Variants in IMPG1 observed in about 807,000 individuals in gnomAD.
IMPG1 encodes interphotoreceptor matrix proteoglycan 1.
In IMPG1, 85 loss-of-function variants were observed where a neutral mutation model predicts 92.0. The observed-to-expected ratio is 0.92, with a 90% CI of 0.78 to 1.11. The LOEUF is 1.11. Ranked by LOEUF, IMPG1 falls within the 50% of genes least tolerant of loss-of-function variation. IMPG1 has a pLI of 0.00. For missense variants in IMPG1, 1,022 were observed against 956.0 expected (o/e 1.07, Z -0.91); for synonymous variants, 367 against 334.1 (o/e 1.10, Z -1.08).
At chr6:75,998,919 C>T (rs550574039) in intron 12 of IMPG1, among the ~76,000 whole-genome samples, 3 of 152,030 alleles carry the variant, frequency 2.0e-5, no homozygotes, top group African/African-American at 7.3e-5. Flanking sequence ...TGTAGTGGAG[C>T]GATCTTGGCT....
rs1017472059 is a variant in IMPG1, at chr6:76,017,968, G to T, written c.807+750C>A. ...GGATTTTGCCATGTTGGCCAGGCTG[G>T]TATCGAATTCCTGATCCACCCGCCT... is the stretch of plus-strand genomic sequence containing the variant. On this transcript the variant is annotated intron_variant, in intron 7 of 16. Coordinates refer to ENST00000369950, the MANE Select transcript of IMPG1 (RefSeq NM_001563.4). 4.6e-5 allele frequency among the ~76,000 whole-genome samples: 7 copies of T among 152,024 alleles called. No individual in the cohort carries two copies. The East Asian group carries it at 1.4e-3, about 29-fold the overall frequency.
intron 1 of IMPG1, among the ~76,000 whole-genome samples, chr6:76,070,563 C>T (rs555904418): frequency 6.6e-6 from 1 of 152,036 alleles, no homozygotes; most frequent in African/African-American, 2.4e-5. Flanking sequence ...AGGGAATCAA[C>T]CCTAGTGAAC....
chr6:76,015,610 G>T (rs1003683849), intron 7 of IMPG1, among the ~76,000 whole-genome samples: 1 of 151,882 alleles, frequency 6.6e-6, no homozygotes, highest in Non-Finnish European at 1.5e-5. Flanking sequence ...AGACCAGCTT[G>T]ATCAACACGG....
chr6:76,059,335 G>C (rs1399133698), intron 1 of IMPG1, among the ~76,000 whole-genome samples: 1 of 151,958 alleles, frequency 6.6e-6, no homozygotes, highest in Non-Finnish European at 1.5e-5. Flanking sequence ...CTTAGAGTTT[G>C]GTCATGGGCA....
chr6:75,996,486 T>C (rs926686472), intron 12 of IMPG1, among the ~76,000 whole-genome samples: 2 of 152,172 alleles, frequency 1.3e-5, no homozygotes, highest in Non-Finnish European at 2.9e-5. Flanking sequence ...TAGAAACAGG[T>C]GATCTCTGTT....
At chr6:75,995,858 T>G (rs79166463) in intron 12 of IMPG1, among the ~76,000 whole-genome samples, 1 of 152,218 alleles carries the variant, frequency 6.6e-6, no homozygotes, top group Non-Finnish European at 1.5e-5. Context: ...TGAAATAAAC[T>G]CCTTGTAATT....
At chr6:76,043,394 A>C (rs188367108) in intron 1 of IMPG1, among the ~76,000 whole-genome samples, 1 of 152,198 alleles carries the variant, frequency 6.6e-6, no homozygotes, top group Non-Finnish European at 1.5e-5. Flanking sequence ...GCTGTAAAGC[A>C]TAAAAGTCCC....
intron 12 of IMPG1, among the ~76,000 whole-genome samples, chr6:75,958,451 G>C (rs1466582542): frequency 6.6e-6 from 1 of 152,264 alleles, no homozygotes; most frequent in Non-Finnish European, 1.5e-5. Flanking sequence ...GGTTGGTGAA[G>C]TTCTCCTGGA....
intron 12 of IMPG1, among the ~76,000 whole-genome samples, chr6:75,989,888 T>C (rs141185257): frequency 6.7e-4 from 102 of 152,174 alleles, no homozygotes; most frequent in African/African-American, 2.2e-3. Flanking sequence ...CTTGTATTCT[T>C]AGCACACACC....
chr6:75,975,998 C>A lies in IMPG1; in HGVS notation c.1292-24904G>T, dbSNP rs79625326. On this transcript the variant is annotated intron_variant, in intron 12 of 16. Coordinates refer to ENST00000369950, the MANE Select transcript of IMPG1 (RefSeq NM_001563.4). ...AAAAGTAAAAAGCATGCCTAGCTTG[C>A]GGGCTGTACAAACGGTAGGTTGGAT... 6.0e-3 allele frequency among the ~76,000 whole-genome samples: 908 copies of A among 151,804 alleles called. 38 individuals are homozygous for A. In the East Asian group the frequency reaches 0.099, roughly 17 times the overall value.
intron 2 of IMPG1, among the ~76,000 whole-genome samples, chr6:76,038,414 T>G (rs1437395225): frequency 6.6e-6 from 1 of 152,160 alleles, no homozygotes; most frequent in African/African-American, 2.4e-5. Context: ...CAGGCTTTCT[T>G]TTTTTGTGGC....
At position 75,950,635 on chromosome 6, in the gene IMPG1, A is replaced by G. The variant is rs1782008139; in HGVS notation, c.1751T>C (p.Met584Thr). 1 of 1,613,916 alleles carries G rather than the reference A, an allele frequency of 6.2e-7. No homozygotes were observed. The highest frequency in any genetic ancestry group is 2.2e-5 in the East Asian group (1 of 44,880). ...VVFFSLRVAN[M>T]AFSNDLFNKS... Reference sequence around the variant, plus strand: ...GTTGAACAGGTCGTTGGAGAAGGCCATGTTAGCAACACGCAGACTGAAGAA... The same window carrying G: ...GTTGAACAGGTCGTTGGAGAAGGCCGTGTTAGCAACACGCAGACTGAAGAA... The change falls in exon 13 of 17, where the codon ATG becomes ACG. Residue 584 changes from methionine to threonine, a missense_variant. Transcript: ENST00000369950.
At chr6:76,054,376 A>G (rs1029064754) in intron 1 of IMPG1, among the ~76,000 whole-genome samples, 6 of 152,000 alleles carry the variant, frequency 3.9e-5, no homozygotes, top group Admixed American at 3.9e-4. Flanking sequence ...TTTCAGATAA[A>G]TTTTCAGTAA....
intron 12 of IMPG1, among the ~76,000 whole-genome samples, chr6:75,964,760 C>T (rs1782277236): frequency 6.6e-6 from 1 of 151,492 alleles, no homozygotes; most frequent in Non-Finnish European, 1.5e-5. Flanking sequence ...TAATAACATC[C>T]TGCAAAACTA....
At chr6:75,994,496 G>A (rs1221657372) in intron 12 of IMPG1, among the ~76,000 whole-genome samples, 3 of 152,208 alleles carry the variant, frequency 2.0e-5, no homozygotes, top group Admixed American at 2.0e-4. Context: ...ATCTGAGGCT[G>A]GGTAATTTAT....
intron 1 of IMPG1, among the ~76,000 whole-genome samples, chr6:76,044,503 C>T (rs1783901287): frequency 6.6e-6 from 1 of 152,146 alleles, no homozygotes; most frequent in South Asian, 2.1e-4. Context: ...TTGTCATCAC[C>T]ACAGTCTTTG....
chr6:76,005,657 G>C, intron 9 of IMPG1, 123 bp from the exon 10 acceptor site: 2 of 878,760 alleles, frequency 2.3e-6, no homozygotes, highest in Non-Finnish European at 3.6e-6. Flanking sequence ...GGCTCGGAGA[G>C]AATATCCCAC....
intron 12 of IMPG1, among the ~76,000 whole-genome samples, chr6:75,997,948 G>A (rs374479785): frequency 3.3e-5 from 5 of 152,228 alleles, no homozygotes; most frequent in Middle Eastern, 3.4e-3. Context: ...TCAGGGAGCC[G>A]TTGGGGAAAA....
chr6:75,981,766 G>C (rs1562357987), intron 12 of IMPG1, among the ~76,000 whole-genome samples: 1 of 152,220 alleles, frequency 6.6e-6, no homozygotes, highest in Non-Finnish European at 1.5e-5. Context: ...CAGCTAGAGG[G>C]AATTGTTGAG....
Sources: gnomAD v4.1 joint callset for allele counts (sites outside exome capture counted in the v4.1 genomes callset) on GRCh38, gnomAD v4.1.1 for gene constraint, MANE v1.5 for transcripts, NCBI Gene and HGNC (gene_info 2026-07-23, HGNC 2026-07-21) for gene names.